MTSS1: variants seen among roughly 807,000 people sequenced by gnomAD.
MTSS1 encodes the protein protein MTSS 1.
In MTSS1, 18 loss-of-function variants were observed where a neutral mutation model predicts 79.0. That is an observed-to-expected ratio of 0.23 (90% CI 0.16 to 0.34). The LOEUF (loss-of-function observed/expected upper bound fraction) is 0.34. MTSS1 is among the 10% of genes least tolerant of loss of function. MTSS1 has a pLI of 1.00. For missense variants in MTSS1, 815 were observed against 986.2 expected (o/e 0.83, Z 2.33); for synonymous variants, 341 against 368.6 (o/e 0.93, Z 0.86).
At chr8:124,692,863 C>T (rs1254352640) in intron 3 of MTSS1, among the ~76,000 whole-genome samples, 1 of 152,018 alleles carries the variant, frequency 6.6e-6, no homozygotes, top group Non-Finnish European at 1.5e-5. Context: ...GGGTCTGCAC[C>T]CTGCTGAAGG....
At chr8:124,610,118 C>T (rs962942295) in intron 3 of MTSS1, among the ~76,000 whole-genome samples, 1 of 152,164 alleles carries the variant, frequency 6.6e-6, no homozygotes, top group African/African-American at 2.4e-5. Context: ...TTCTGCCTGC[C>T]TGTCAAATAA....
chr8:124,668,563 A>G (rs1389795339), intron 3 of MTSS1, among the ~76,000 whole-genome samples: 1 of 152,184 alleles, frequency 6.6e-6, no homozygotes, highest in Non-Finnish European at 1.5e-5. Flanking sequence ...AAACAGACCT[A>G]CAAGGTCAAC....
chr8:124,706,062 A>G (rs1830340642), intron 1 of MTSS1, among the ~76,000 whole-genome samples: 1 of 152,258 alleles, frequency 6.6e-6, no homozygotes, highest in South Asian at 2.1e-4. Flanking sequence ...TTCTTCTGTT[A>G]AATGAAAGTA....
intron 3 of MTSS1, among the ~76,000 whole-genome samples, chr8:124,684,045 G>A (rs903399008): frequency 6.6e-6 from 1 of 152,188 alleles, no homozygotes; most frequent in Non-Finnish European, 1.5e-5. Context: ...CCAAAACTTG[G>A]AGATTGCAAA....
intron 6 of MTSS1, chr8:124,580,290 T>C: frequency 2.2e-6 from 1 of 454,894 alleles, no homozygotes. Context: ...TCCATGAGTC[T>C]AATATTGAAT....
chr8:124,696,083 G>A (rs1253161847), intron 3 of MTSS1, among the ~76,000 whole-genome samples: 2 of 152,046 alleles, frequency 1.3e-5, no homozygotes, highest in African/African-American at 4.8e-5. Flanking sequence ...CACCTCCCGA[G>A]TTCAAGCGAT....
chr8:124,567,022 T>A (rs776840169), intron 8 of MTSS1, 49 bp downstream of exon 8: 1 of 1,453,588 alleles, frequency 6.9e-7, no homozygotes, highest in South Asian at 1.2e-5. Context: ...GGCCTTGAGC[T>A]TTTACCTCTT....
chr8:124,583,416 T>C (rs1218307990), intron 6 of MTSS1, among the ~76,000 whole-genome samples: 1 of 152,216 alleles, frequency 6.6e-6, no homozygotes, highest in African/African-American at 2.4e-5. Context: ...AAGGTCTAAT[T>C]GCCAGAAACT....
chr8:124,695,204 T>G (rs1254662969), intron 3 of MTSS1, among the ~76,000 whole-genome samples: 1 of 152,184 alleles, frequency 6.6e-6, no homozygotes, highest in Non-Finnish European at 1.5e-5. Flanking sequence ...TGTTCCCTTT[T>G]GGAAACAATA....
chr8:124,672,045 A>G (rs1318933990), intron 3 of MTSS1, among the ~76,000 whole-genome samples: 2 of 152,248 alleles, frequency 1.3e-5, no homozygotes, highest in East Asian at 3.8e-4. Context: ...CTACATCCAC[A>G]GAGATATCAG....
intron 3 of MTSS1, among the ~76,000 whole-genome samples, chr8:124,607,098 G>A (rs1243443381): frequency 6.6e-6 from 1 of 152,200 alleles, no homozygotes; most frequent in African/African-American, 2.4e-5. Context: ...CTCAACAAAC[G>A]TGAGTAAGTG....
At chr8:124,687,761 T>C (rs566075195) in intron 3 of MTSS1, among the ~76,000 whole-genome samples, 27 of 152,350 alleles carry the variant, frequency 1.8e-4, no homozygotes, top group African/African-American at 6.3e-4. Flanking sequence ...CACAATTCTT[T>C]TGTATTTTAT....
chr8:124,699,367 C>T (rs1055655021), intron 3 of MTSS1, 159 bp downstream of exon 3: 2 of 629,732 alleles, frequency 3.2e-6, no homozygotes, highest in South Asian at 2.0e-5. Context: ...CTAGTTGCAA[C>T]TTCTAATATG....
chr8:124,623,061 C>A (rs113277777), intron 3 of MTSS1, among the ~76,000 whole-genome samples: 2,069 of 152,272 alleles, frequency 0.014, 48 homozygotes, highest in African/African-American at 0.047. Context: ...CAGGTCACTG[C>A]GATGAGAGGA....
At chr8:124,710,180 G>C (rs1830956869) in intron 1 of MTSS1, among the ~76,000 whole-genome samples, 1 of 152,196 alleles carries the variant, frequency 6.6e-6, no homozygotes, top group African/African-American at 2.4e-5. Flanking sequence ...GGTGGGCAAG[G>C]GCAGCCTTCC....
intron 3 of MTSS1, among the ~76,000 whole-genome samples, chr8:124,690,953 A>C (rs1827839546): frequency 6.6e-6 from 1 of 152,220 alleles, no homozygotes; most frequent in African/African-American, 2.4e-5. Context: ...AATGCTAAAA[A>C]TGCATGACAC....
intron 1 of MTSS1, among the ~76,000 whole-genome samples, chr8:124,724,845 G>A (rs530423598): frequency 5.4e-4 from 82 of 152,172 alleles, no homozygotes; most frequent in Non-Finnish European, 1.1e-3. Flanking sequence ...CTACACATCG[G>A]AAGGCAGTCA....
At chr8:124,718,872 T>C (rs952314502) in intron 1 of MTSS1, among the ~76,000 whole-genome samples, 1 of 152,194 alleles carries the variant, frequency 6.6e-6, no homozygotes, top group African/African-American at 2.4e-5. Flanking sequence ...AAAACTGCAC[T>C]GGCCTGGCCC....
chr8:124,699,916 G>A (rs1405733315), intron 2 of MTSS1, among the ~76,000 whole-genome samples: 4 of 152,284 alleles, frequency 2.6e-5, no homozygotes, highest in Non-Finnish European at 5.9e-5. Context: ...GGAGGCTGAG[G>A]TGGGTGGATC....
Sources: allele counts gnomAD v4.1 joint callset (sites outside exome capture counted in the v4.1 genomes callset), GRCh38; gene constraint gnomAD v4.1.1; transcripts MANE v1.5; gene names NCBI Gene and HGNC (gene_info 2026-07-23, HGNC 2026-07-21).